Variants in GRM1 observed in about 807,000 individuals in gnomAD.
GRM1 encodes metabotropic glutamate receptor 1.
A neutral mutation model predicts 90.9 loss-of-function variants in GRM1; 33 were observed. The ratio of observed to expected loss-of-function variants is 0.36; its 90% CI spans 0.28 to 0.49. The LOEUF (loss-of-function observed/expected upper bound fraction) is 0.49. Ranked by LOEUF, GRM1 falls within the 20% of genes least tolerant of loss-of-function variation. The pLI is 0.99. For missense variants in GRM1, 1,190 were observed against 1,534.3 expected (o/e 0.78, Z 3.75); for synonymous variants, 700 against 613.2 (o/e 1.14, Z -2.09).
chr6:146,356,152 A>G (rs1360254560), intron 4 of GRM1, among the ~76,000 whole-genome samples: 1 of 152,218 alleles, frequency 6.6e-6, no homozygotes, highest in Non-Finnish European at 1.5e-5. Context: ...TTCGTATAGT[A>G]ATGAAAATAA....
chr6:146,117,272 A>T (rs897950720), intron 1 of GRM1, among the ~76,000 whole-genome samples: 1 of 151,752 alleles, frequency 6.6e-6, no homozygotes, highest in Non-Finnish European at 1.5e-5. Context: ...TAAGGAATAT[A>T]AAATATTTAT....
At chr6:146,294,070 T>C (rs1035032170) in intron 2 of GRM1, among the ~76,000 whole-genome samples, 4 of 151,794 alleles carry the variant, frequency 2.6e-5, no homozygotes, top group African/African-American at 9.7e-5. Context: ...TTTAGGTTGG[T>C]TGATCATTTT....
intron 1 of GRM1, among the ~76,000 whole-genome samples, chr6:146,066,379 T>C (rs1007706925): frequency 2.6e-5 from 4 of 152,218 alleles, no homozygotes; most frequent in Non-Finnish European, 4.4e-5. Flanking sequence ...GCTACATCCA[T>C]GTTGCTACAA....
chr6:146,365,940 T>G (rs1775669301), intron 5 of GRM1, among the ~76,000 whole-genome samples: 1 of 152,186 alleles, frequency 6.6e-6, no homozygotes, highest in Non-Finnish European at 1.5e-5. Context: ...TCTTTAAATT[T>G]GGTCCCTGGA....
At chr6:146,129,388 G>A (rs915380524) in intron 1 of GRM1, among the ~76,000 whole-genome samples, 13 of 151,948 alleles carry the variant, frequency 8.6e-5, no homozygotes, top group Non-Finnish European at 1.6e-4. Context: ...AAGAATTCCC[G>A]TGTGTGTGTG....
Position 146,398,894 on chromosome 6 carries a change from G to A in GRM1, c.1855G>A (p.Asp619Asn), listed in dbSNP as rs764723778. 5 of 1,613,884 alleles carry A rather than the reference G, an allele frequency of 3.1e-6. No individual in the cohort carries two copies. The South Asian group carries it at 5.5e-5, about 18-fold the overall frequency. ...CACCCTAATCTTTGTACTGTACCGG[G>A]ACACACCAGTGGTCAAATCCTCCAG... ...FVTLIFVLYR[D>N]TPVVKSSSRE... The change falls in exon 7 of 8, where the codon GAC becomes AAC. Residue 619 changes from aspartate (D) to asparagine (N), a missense_variant. By Grantham distance (23) the Asp-to-Asn change is conservative. Coordinates refer to ENST00000282753, the MANE Select transcript of GRM1 (RefSeq NM_001278064.2).
intron 2 of GRM1, among the ~76,000 whole-genome samples, chr6:146,188,932 A>T (rs751355611): frequency 6.6e-6 from 1 of 152,176 alleles, no homozygotes; most frequent in Non-Finnish European, 1.5e-5. Context: ...GTTGATTCAC[A>T]ATCCAATTGT....
chr6:146,219,969 A>C (rs1198832993), intron 2 of GRM1, among the ~76,000 whole-genome samples: 2 of 151,892 alleles, frequency 1.3e-5, no homozygotes, highest in African/African-American at 4.8e-5. Flanking sequence ...GTATAAGCTT[A>C]GTATTAGGAA....
chr6:146,398,952 T>A lies in GRM1; in HGVS notation c.1913T>A (p.Ile638Asn), dbSNP rs1777063060. The change falls in exon 7 of 8, where the codon ATC becomes AAC. Residue 638 changes from isoleucine to asparagine, a missense_variant. Transcript: ENST00000282753. ...CTCTGCTACATCATCCTAGCTGGCA[T>A]CTTCCTTGGTTATGTGTGCCCATTC... ...RELCYIILAG[I>N]FLGYVCPFTL... 6.2e-7 allele frequency: 1 copy of A among 1,614,020 alleles called. No homozygotes were observed. Among genetic ancestry groups the A allele is most frequent in the African/African-American group, 1.3e-5 (1 of 74,908 alleles).
At chr6:146,275,886 G>A (rs1017930020) in intron 2 of GRM1, among the ~76,000 whole-genome samples, 6 of 152,000 alleles carry the variant, frequency 3.9e-5, no homozygotes, top group African/African-American at 1.4e-4. Flanking sequence ...ACACATTGCT[G>A]GAATTTTCTT....
At chr6:146,149,271 T>G (rs1777227317) in intron 1 of GRM1, among the ~76,000 whole-genome samples, 1 of 152,198 alleles carries the variant, frequency 6.6e-6, no homozygotes, top group African/African-American at 2.4e-5. Context: ...ACTTTCTTTG[T>G]GCAAGTGTGG....
intron 2 of GRM1, among the ~76,000 whole-genome samples, chr6:146,173,382 T>C (rs1583110887): frequency 8.0e-6 from 1 of 124,566 alleles, no homozygotes; most frequent in South Asian, 2.5e-4. Context: ...AGAGTGAAAC[T>C]CTGTCTCAAA....
At chr6:146,049,696 T>TATC (rs1791457574) in intron 1 of GRM1, among the ~76,000 whole-genome samples, 1 of 148,390 alleles carries the variant, frequency 6.7e-6, no homozygotes, top group Non-Finnish European at 1.5e-5. Context: ...TCTATCTATC[T>TATC]ATCTATCATC....
chr6:146,148,382 G>A (rs1472707930), intron 1 of GRM1, among the ~76,000 whole-genome samples: 1 of 151,850 alleles, frequency 6.6e-6, no homozygotes, highest in Admixed American at 6.6e-5. Flanking sequence ...ATATGTAAAT[G>A]TATTGATATA....
intron 2 of GRM1, among the ~76,000 whole-genome samples, chr6:146,209,972 C>T (rs941978281): frequency 6.6e-6 from 1 of 152,110 alleles, no homozygotes; most frequent in African/African-American, 2.4e-5. Flanking sequence ...AAGAGTAAGG[C>T]ATTTCTACTT....
At chr6:146,309,214 C>A (rs1208117874) in intron 3 of GRM1, among the ~76,000 whole-genome samples, 1 of 151,974 alleles carries the variant, frequency 6.6e-6, no homozygotes, top group African/African-American at 2.4e-5. Context: ...GCCTGGCCAA[C>A]ATGGTGAAGC....
chr6:146,160,805 G>T (rs1236228977), intron 2 of GRM1, among the ~76,000 whole-genome samples: 1 of 152,108 alleles, frequency 6.6e-6, no homozygotes, highest in Non-Finnish European at 1.5e-5. Context: ...AATGAATAAA[G>T]AAACAGAGAT....
rs555065641 is a variant in GRM1, at chr6:146,135,502, G to A, written c.701-23846G>A. The stretch of plus-strand genomic sequence containing the variant: ...GGCTAGACTTACAGACACATAGTAA[G>A]AGATGTCGGAGGTTACTCAGTGTAA... On this transcript the variant is annotated intron_variant, in intron 1 of 7. Transcript: ENST00000282753. Among the ~76,000 whole-genome samples, 5 of 152,302 alleles carry A rather than the reference G, an allele frequency of 3.3e-5. No homozygotes were observed. The South Asian group carries it at 1.0e-3, about 32-fold the overall frequency.
intron 7 of GRM1, among the ~76,000 whole-genome samples, chr6:146,428,911 A>G (rs927629850): frequency 6.6e-5 from 10 of 152,172 alleles, no homozygotes; most frequent in African/African-American, 2.4e-4. Flanking sequence ...GACAAACTTT[A>G]TGGTGCCTTC....
Sources: gnomAD v4.1 joint callset for allele counts (sites outside exome capture counted in the v4.1 genomes callset) on GRCh38, gnomAD v4.1.1 for gene constraint, MANE v1.5 for transcripts, NCBI Gene and HGNC (gene_info 2026-07-23, HGNC 2026-07-21) for gene names.